The following HTR5A variants were observed in gnomAD, a reference collection of about 807,000 sequenced individuals.
HTR5A encodes the protein 5-HT-5.
In HTR5A, 21 loss-of-function variants were observed where a neutral mutation model predicts 24.3. The ratio of observed to expected loss-of-function variants is 0.86; its 90% CI spans 0.61 to 1.24. The LOEUF is 1.24. Ranked by LOEUF, HTR5A falls within the 50% of genes most tolerant of loss-of-function variation. HTR5A has a pLI of 0.00. For missense variants in HTR5A, 497 were observed against 489.5 expected, an observed-to-expected ratio of 1.02 and a Z score of -0.15; for synonymous variants, 260 against 213.7, an observed-to-expected ratio of 1.22 and a Z score of -1.89.
chr7:155,084,236 T>C lies in HTR5A; in HGVS notation c.823T>C (p.Trp275Arg), dbSNP rs757266979. The C allele has an allele frequency of 2.5e-6, 4 of 1,614,124 alleles. No individual in the cohort carries two copies. The South Asian group carries it at 4.4e-5, about 18-fold the overall frequency. Residue 275 changes from tryptophan (W) to arginine (R), a missense_variant, in exon 2 of 2, where the codon TGG becomes CGG. Trp to Arg is a moderately radical substitution (Grantham distance 101). Transcript: ENST00000287907. ...CACCTTCCAGCCAGAAGGGGACACGTGGCGGGAGCAGAAGGAGCAGCGGGC... is the reference window on the plus strand; with the variant it reads ...CACCTTCCAGCCAGAAGGGGACACGCGGCGGGAGCAGAAGGAGCAGCGGGC... ...TVTFQPEGDTWREQKEQRAAL... is the reference protein window; with the variant it reads ...TVTFQPEGDTRREQKEQRAAL...
rs893939 is a variant in HTR5A, at chr7:155,086,637, C to T, written c.*2150C>T. 0.16 allele frequency among the ~76,000 whole-genome samples: 24,537 copies of T among 152,180 alleles called. 4,106 individuals are homozygous for T. Among genetic ancestry groups the T allele is most frequent in the African/African-American group, 0.42 (17,421 of 41,490 alleles). ...CATTATATACAACATACTCCACATACACTATCTAGAGCAAGAAACATTCCA... is the reference window on the plus strand; with the variant it reads ...CATTATATACAACATACTCCACATATACTATCTAGAGCAAGAAACATTCCA... On this transcript the variant is annotated 3_prime_UTR_variant, in exon 2 of 2. Coordinates refer to ENST00000287907, the MANE Select transcript of HTR5A (RefSeq NM_024012.4).
At chr7:155,072,416 G>A (rs77255234) in intron 1 of HTR5A, among the ~76,000 whole-genome samples, 648 of 152,284 alleles carry the variant, frequency 4.3e-3, no homozygotes, top group Middle Eastern at 0.014. Flanking sequence ...ATCCAGGAAA[G>A]AGAATTCCCT....
chr7:155,080,827 G>A (rs1795408680), intron 1 of HTR5A, among the ~76,000 whole-genome samples: 2 of 152,096 alleles, frequency 1.3e-5, no homozygotes, highest in African/African-American at 4.8e-5. Context: ...TCTGTTGGAT[G>A]GCGTTTTCTG....
At chr7:155,080,601 A>G (rs1795405254) in intron 1 of HTR5A, among the ~76,000 whole-genome samples, 1 of 152,248 alleles carries the variant, frequency 6.6e-6, no homozygotes, top group South Asian at 2.1e-4. Context: ...TAGAAAGACA[A>G]AGCTGAATCT....
Position 155,084,545 on chromosome 7 carries a change from C to T in HTR5A, c.*58C>T. 1 of 1,385,266 alleles carries T rather than the reference C, an allele frequency of 7.2e-7. No individual in the cohort carries two copies. The highest frequency in any genetic ancestry group is 2.3e-5 in the East Asian group (1 of 43,712). The allele number at this position is 1,385,266 out of a possible 1,614,324, so 85.8% of individuals were successfully genotyped here. ...CCATAATTCAGTGGAATTCCCAGTTCATCCATTTCCCATCCCCACCCAACA... is the reference window on the plus strand; with the variant it reads ...CCATAATTCAGTGGAATTCCCAGTTTATCCATTTCCCATCCCCACCCAACA... On this transcript the variant is annotated 3_prime_UTR_variant, in exon 2 of 2. Transcript: ENST00000287907.
chr7:155,076,288 T>A (rs1202819169), intron 1 of HTR5A, among the ~76,000 whole-genome samples: 2 of 152,252 alleles, frequency 1.3e-5, no homozygotes, highest in Admixed American at 6.5e-5. Context: ...ATAATTCACA[T>A]TTGTTGTCCA....
intron 1 of HTR5A, among the ~76,000 whole-genome samples, chr7:155,075,460 T>C (rs1215671445): frequency 2.6e-5 from 4 of 152,234 alleles, no homozygotes; most frequent in Admixed American, 6.5e-5. Context: ...AGAATAATTA[T>C]AAATATTGTA....
At chr7:155,081,715 G>A (rs1241757865) in intron 1 of HTR5A, among the ~76,000 whole-genome samples, 3 of 152,290 alleles carry the variant, frequency 2.0e-5, no homozygotes, top group South Asian at 2.1e-4. Flanking sequence ...GAGCTAAGGA[G>A]TACATAAGTC....
intron 1 of HTR5A, among the ~76,000 whole-genome samples, chr7:155,082,176 CTG>C (rs1563422717): frequency 1.3e-5 from 2 of 150,006 alleles, no homozygotes; most frequent in African/African-American, 2.5e-5. Flanking sequence ...GACATCCACA[CTG>C]TGAACAGCAT....
intron 1 of HTR5A, among the ~76,000 whole-genome samples, chr7:155,076,331 G>A (rs1795358704): frequency 1.3e-5 from 2 of 152,086 alleles, no homozygotes; most frequent in South Asian, 4.1e-4. Context: ...TGTTTCTATA[G>A]TATGTTAAAT....
At position 155,084,362 on chromosome 7, in the gene HTR5A, G is replaced by A. The variant is rs754315935; in HGVS notation, c.949G>A (p.Ala317Thr). 1.5e-5 allele frequency: 24 copies of A among 1,613,990 alleles called. No homozygotes were observed. The highest frequency in any genetic ancestry group is 6.7e-5 in the African/African-American group (5 of 74,980). The change falls in exon 2 of 2, where the codon GCC becomes ACC. Residue 317 changes from alanine to threonine, a missense_variant. Transcript: ENST00000287907. ...TCCCCTCTGCTCCTGTGACATCCCC[G>A]CCATCTGGAAAAGCATCTTCCTGTG... ...ISPLCSCDIP[A>T]IWKSIFLWLG...
At chr7:155,074,327 T>A (rs907509737) in intron 1 of HTR5A, among the ~76,000 whole-genome samples, 5 of 152,144 alleles carry the variant, frequency 3.3e-5, no homozygotes, top group Non-Finnish European at 5.9e-5. Context: ...TGAAATAAAA[T>A]GACAAAGAAA....
chr7:155,078,429 CA>C (rs1260802964), intron 1 of HTR5A, among the ~76,000 whole-genome samples: 1 of 152,154 alleles, frequency 6.6e-6, no homozygotes, highest in Admixed American at 6.6e-5. Context: ...TATCTTTATT[CA>C]GCCTCCCGAG....
intron 1 of HTR5A, among the ~76,000 whole-genome samples, chr7:155,076,833 T>A (rs1795364063): frequency 6.6e-6 from 1 of 152,176 alleles, no homozygotes; most frequent in South Asian, 2.1e-4. Flanking sequence ...GAAGATGTGT[T>A]GACTAGTTGA....
chr7:155,078,603 A>T (rs1454650180), intron 1 of HTR5A, among the ~76,000 whole-genome samples: 3 of 152,174 alleles, frequency 2.0e-5, no homozygotes, highest in South Asian at 2.1e-4. Flanking sequence ...GTGAGCCACC[A>T]TGCCCAGATT....
chr7:155,073,893 A>ATACG (rs1795329573), intron 1 of HTR5A, among the ~76,000 whole-genome samples: 1 of 10,328 alleles, frequency 9.7e-5, no homozygotes, highest in African/African-American at 1.1e-4. Flanking sequence ...ATATATGTAT[A>ATACG]TATATATATA....
At chr7:155,079,235 G>A (rs760757286) in intron 1 of HTR5A, among the ~76,000 whole-genome samples, 2 of 152,176 alleles carry the variant, frequency 1.3e-5, no homozygotes, top group African/African-American at 2.4e-5. Context: ...TTACAGGCAT[G>A]AGCCCCCATG....
chr7:155,073,911 A>ATGTGTGTATATATG (rs1795332071), intron 1 of HTR5A, among the ~76,000 whole-genome samples: 1 of 143,006 alleles, frequency 7.0e-6, no homozygotes, highest in Non-Finnish European at 1.5e-5. Context: ...ATATATATAT[A>ATGTGTGTATATATG]TATATGTATA....
In HTR5A at chr7:155,073,887, A is replaced by ATGTGTG. The variant is rs1436625736; in HGVS notation, c.741+2250_741+2251insGTGTGT. On this transcript the variant is annotated intron_variant, in intron 1 of 1. Coordinates refer to ENST00000287907, the MANE Select transcript of HTR5A (RefSeq NM_024012.4). ...TGTGTATATATATATGTATATATATATGTATATATATATATATATATATAT... is the reference window on the plus strand; with the variant it reads ...TGTGTATATATATATGTATATATATATGTGTGTGTATATATATATATATATATATAT... Among the ~76,000 whole-genome samples, 223 of 124,448 alleles carry ATGTGTG rather than the reference A, an allele frequency of 1.8e-3. 7 individuals carry two copies. The highest frequency in any genetic ancestry group is 0.015 in the South Asian group (62 of 4,094). The allele number at this position is 124,448 out of a possible 152,430, so 81.6% of individuals were successfully genotyped here. A position where few individuals can be genotyped will look rare whatever the true frequency, so the allele number is the denominator to read the frequency against.
Sources: gnomAD v4.1 joint callset for allele counts (sites outside exome capture counted in the v4.1 genomes callset) on GRCh38, gnomAD v4.1.1 for gene constraint, MANE v1.5 for transcripts, NCBI Gene and HGNC (gene_info 2026-07-23, HGNC 2026-07-21) for gene names.